ABCC1: variants seen among roughly 807,000 people sequenced by gnomAD.
ABCC1 encodes multidrug resistance-associated protein 1.
ABCC1 carries 83 observed loss-of-function variants against 172.9 expected under a neutral mutation model. That is an observed-to-expected ratio of 0.48 (90% CI 0.40 to 0.58). The LOEUF (loss-of-function observed/expected upper bound fraction) is 0.58. Ranked by LOEUF, ABCC1 falls within the 20% of genes least tolerant of loss-of-function variation. The pLI is 0.00. For missense variants in ABCC1, 1,817 were observed against 2,002.7 expected (o/e 0.91, Z 1.77); for synonymous variants, 937 against 825.2 (o/e 1.14, Z -2.32).
At chr16:15,991,498 C>T (rs215073) in intron 1 of ABCC1, among the ~76,000 whole-genome samples, 10,800 of 152,142 alleles carry the variant, frequency 0.071, 410 homozygotes, top group Middle Eastern at 0.12. Flanking sequence ...CACCTCTCGG[C>T]TCTTCTGGGG....
At chr16:16,080,009 T>C (rs1190186961) in intron 16 of ABCC1, among the ~76,000 whole-genome samples, 4 of 151,934 alleles carry the variant, frequency 2.6e-5, no homozygotes, top group African/African-American at 9.7e-5. Context: ...GACGGTGTTT[T>C]ACCATGTTGG....
intron 19 of ABCC1, among the ~76,000 whole-genome samples, chr16:16,099,495 C>A (rs966751364): frequency 3.3e-5 from 5 of 152,144 alleles, no homozygotes; most frequent in Admixed American, 1.3e-4. Flanking sequence ...AATCTGGCCA[C>A]CTTAAACAAA....
chr16:15,955,163 C>T (rs1026571858), intron 1 of ABCC1, among the ~76,000 whole-genome samples: 1 of 152,142 alleles, frequency 6.6e-6, no homozygotes, highest in Non-Finnish European at 1.5e-5. Context: ...TGAGACCAGT[C>T]TGGGCAGAAT....
chr16:16,111,318 G>GGGGCTA, intron 21 of ABCC1, 57 bp from the exon 22 acceptor site: 1 of 1,511,166 alleles, frequency 6.6e-7, no homozygotes, highest in Non-Finnish European at 9.2e-7. Context: ...TTGTGGGGCT[G>GGGGCTA]GGGCTGGGGC....
intron 1 of ABCC1, among the ~76,000 whole-genome samples, chr16:15,968,192 G>A (rs1328745439): frequency 3.3e-5 from 5 of 152,026 alleles, no homozygotes; most frequent in African/African-American, 1.2e-4. Context: ...GCACCACCAT[G>A]CCCGGCTAAT....
chr16:15,958,137 G>T (rs565830689), intron 1 of ABCC1, among the ~76,000 whole-genome samples: 3 of 151,654 alleles, frequency 2.0e-5, no homozygotes, highest in African/African-American at 4.8e-5. Flanking sequence ...ACGAAGTCTC[G>T]CTCTGTCACC....
Position 16,079,430 on chromosome 16 carries a change from A to C in ABCC1, c.2067A>C (p.Ser689=). Residue 689 remains serine, a synonymous_variant, in exon 16 of 31, where the codon TCA becomes TCC. Transcript: ENST00000399410. ...GCTGCGGAAAGTCGTCCCTGCTCTC[A>C]GCCCTCTTGGCTGAGATGGACAAAG... is the stretch of plus-strand genomic sequence containing the variant. The part of the protein sequence containing the change: ...QVGCGKSSLL[S]ALLAEMDKVE... The C allele has an allele frequency of 6.2e-7, 1 of 1,613,992 alleles. No homozygotes were observed.
intron 12 of ABCC1, among the ~76,000 whole-genome samples, chr16:16,061,495 A>G (rs2049909874): frequency 6.6e-6 from 1 of 152,198 alleles, no homozygotes; most frequent in South Asian, 2.1e-4. Flanking sequence ...GGCTCCAGGC[A>G]TTGCGAAGTG....
At chr16:16,093,495 T>C (rs1258181439) in intron 19 of ABCC1, among the ~76,000 whole-genome samples, 1 of 152,068 alleles carries the variant, frequency 6.6e-6, no homozygotes, top group Non-Finnish European at 1.5e-5. Context: ...GTGATGCAAA[T>C]GCCGCCCACC....
chr16:16,032,201 G>C (rs2048583758), intron 5 of ABCC1, among the ~76,000 whole-genome samples: 1 of 152,110 alleles, frequency 6.6e-6, no homozygotes, highest in Non-Finnish European at 1.5e-5. Flanking sequence ...ATGTTGGCTA[G>C]GATGGTCTCG....
intron 19 of ABCC1, among the ~76,000 whole-genome samples, chr16:16,097,203 C>G (rs2051519098): frequency 6.6e-6 from 1 of 152,174 alleles, no homozygotes; most frequent in South Asian, 2.1e-4. Flanking sequence ...ACCTCCACCT[C>G]CTGGGTCCAA....
In ABCC1 at chr16:16,141,166, C is replaced by A; in HGVS notation, c.4488-7C>A. 6.2e-7 allele frequency: 1 copy of A among 1,613,436 alleles called. No individual in the cohort carries two copies. The highest frequency in any genetic ancestry group is 8.5e-7 in the Non-Finnish European group (1 of 1,179,526). On this transcript the variant is annotated splice_region_variant and splice_polypyrimidine_tract_variant and intron_variant, in intron 30 of 30. Coordinates refer to ENST00000399410, the MANE Select transcript of ABCC1 (RefSeq NM_004996.4). ...TTCCCCTCATGTCTGTATCCCCTCT[C>A]CCTCAGGGTGATCGTCTTGGACAAA...
At chr16:16,121,858 A>C in intron 23 of ABCC1, 117 bp from the exon 24 acceptor site, 2 of 1,082,180 alleles carry the variant, frequency 1.8e-6, no homozygotes, top group Non-Finnish European at 2.7e-6. Flanking sequence ...GCCCGGCTCT[A>C]ACATTTTGCC....
Position 16,141,364 on chromosome 16 carries a change from A to G in ABCC1, c.*83A>G. 2.3e-6 allele frequency: 3 copies of G among 1,310,980 alleles called. No homozygotes were observed. Among genetic ancestry groups the G allele is most frequent in the Non-Finnish European group, 3.2e-6 (3 of 923,988 alleles). The allele number at this position is 1,310,980 out of a possible 1,614,324, so 81.2% of individuals were successfully genotyped here. A position where few individuals can be genotyped will look rare whatever the true frequency, so the allele number is the denominator to read the frequency against. On this transcript the variant is annotated 3_prime_UTR_variant, in exon 31 of 31. Transcript: ENST00000399410. ...AGGAGTCAGTACCCCTGGTAAACCA[A>G]GCCTCCCACACTGAAACCAAAACAT... is the stretch of plus-strand genomic sequence containing the variant.
intron 17 of ABCC1, 139 bp downstream of exon 17, chr16:16,083,681 T>C (rs2151995869): frequency 9.1e-7 from 1 of 1,095,442 alleles, no homozygotes; most frequent in South Asian, 1.6e-5. Flanking sequence ...TGCTGCACGC[T>C]GCAGGCCAGC....
intron 27 of ABCC1, among the ~76,000 whole-genome samples, chr16:16,132,316 G>A (rs960556404): frequency 6.6e-6 from 1 of 151,774 alleles, no homozygotes; most frequent in African/African-American, 2.4e-5. Context: ...GGGAGTGCAG[G>A]TGTGTGCCAC....
chr16:16,095,937 CAT>C (rs1176056632), intron 19 of ABCC1, among the ~76,000 whole-genome samples: 6 of 152,228 alleles, frequency 3.9e-5, no homozygotes, highest in African/African-American at 1.4e-4. Context: ...ATAAAAGCAA[CAT>C]GTGCTCATCG....
intron 2 of ABCC1, 30 bp downstream of exon 2, chr16:16,008,022 G>C: frequency 2.0e-6 from 1 of 490,030 alleles, no homozygotes; most frequent in Non-Finnish European, 3.6e-6. Flanking sequence ...CGTTGTGGGG[G>C]GTGGGAAGGT....
intron 1 of ABCC1, among the ~76,000 whole-genome samples, chr16:15,985,927 G>A (rs963577316): frequency 5.9e-5 from 9 of 151,786 alleles, no homozygotes; most frequent in African/African-American, 1.7e-4. Flanking sequence ...TCCTCAATTC[G>A]TGGTTTCATG....
Sources: allele counts gnomAD v4.1 joint callset (sites outside exome capture counted in the v4.1 genomes callset), GRCh38; gene constraint gnomAD v4.1.1; transcripts MANE v1.5; gene names NCBI Gene and HGNC (gene_info 2026-07-23, HGNC 2026-07-21).